Variants in FOXN1 observed in about 807,000 individuals in gnomAD.
FOXN1 encodes the protein forkhead box N1.
A neutral mutation model predicts 49.0 loss-of-function variants in FOXN1; 15 were observed. The observed-to-expected ratio is 0.31, with a 90% CI of 0.20 to 0.47. FOXN1 has a LOEUF of 0.47. Among genes scored for constraint, FOXN1 ranks in the 20% least tolerant of loss-of-function variants. FOXN1 has a pLI of 1.00. For synonymous variants in FOXN1, 356 were observed against 369.0 expected, an observed-to-expected ratio of 0.96 and a Z score of 0.40; for missense variants, 800 against 842.8, an observed-to-expected ratio of 0.95 and a Z score of 0.63.
At position 28,537,995 on chromosome 17, in the gene FOXN1, T is replaced by C. The variant is rs1312057320; in HGVS notation, c.*559T>C. 1 of 162,220 alleles carries C rather than the reference T, an allele frequency of 6.2e-6. No individual in the cohort carries two copies. Among genetic ancestry groups the C allele is most frequent in the African/African-American group, 2.4e-5 (1 of 40,928 alleles). The allele number at this position is 162,220 out of a possible 1,614,324, so 10.0% of individuals were successfully genotyped here. ...CCCTGTATTTATTCCCCCATCTTCA[T>C]CCCAACAGCCCAGCAAGAAGGAGGA... On this transcript the variant is annotated 3_prime_UTR_variant, in exon 9 of 9. Transcript: ENST00000579795.
rs1194083456 is a variant in FOXN1 at position 28,524,730 on chromosome 17, G to A, written c.351G>A (p.Lys117=). The change falls in exon 3 of 9, where the codon AAG becomes AAA. Residue 117 remains lysine (K), a synonymous_variant. Transcript: ENST00000579795. ...AAASSPGRFL[K]GSHAPFHPYK... is the part of the protein sequence containing the mutation. ...CAAGCAGCCCTGGGCGATTCCTCAA[G>A]GGCAGCCACGCGCCCTTCCACCCGT... 1.9e-6 allele frequency: 3 copies of A among 1,612,640 alleles called. No individual in the cohort carries two copies. In the South Asian group the frequency reaches 3.3e-5, roughly 18 times the overall value.
intron 1 of FOXN1, among the ~76,000 whole-genome samples, chr17:28,509,975 C>T (rs1448921621): frequency 1.3e-5 from 2 of 152,140 alleles, no homozygotes; most frequent in African/African-American, 2.4e-5. Context: ...GGAGAGAATT[C>T]GCTGAATCGT....
At chr17:28,535,264 A>C in intron 8 of FOXN1, 66 bp downstream of exon 8, 35 of 1,545,174 alleles carry the variant, frequency 2.3e-5, no homozygotes, top group Non-Finnish European at 2.9e-5. Context: ...AGTGGGACTC[A>C]TCTTCTCCAA....
intron 5 of FOXN1, among the ~76,000 whole-genome samples, chr17:28,530,274 A>G (rs1411907018): frequency 6.6e-6 from 1 of 152,218 alleles, no homozygotes; most frequent in Non-Finnish European, 1.5e-5. Flanking sequence ...AGGATTAAGT[A>G]AGAGAATGTA....
chr17:28,511,844 C>T (rs1567870466), intron 1 of FOXN1, among the ~76,000 whole-genome samples: 1 of 152,054 alleles, frequency 6.6e-6, no homozygotes, highest in African/African-American at 2.4e-5. Context: ...GTGAAGGCGT[C>T]CAGAGATTAT....
At chr17:28,529,635 C>G (rs1230814466) in intron 5 of FOXN1, among the ~76,000 whole-genome samples, 2 of 152,166 alleles carry the variant, frequency 1.3e-5, no homozygotes, top group Admixed American at 6.5e-5. Flanking sequence ...AGATGTGACT[C>G]GGCTATCCAC....
rs1220208492 is a variant in FOXN1 at position 28,538,724 on chromosome 17, G to C, written c.*1288G>C. 3 of 152,222 alleles carry C rather than the reference G, an allele frequency of 2.0e-5. No homozygotes were observed. The allele number at this position is 152,222 out of a possible 1,614,324, so 9.4% of individuals were successfully genotyped here. A position where few individuals can be genotyped will look rare whatever the true frequency, so the allele number is the denominator to read the frequency against. ...CTTGGCCCTGCGGGGTGTGGCCCAG[G>C]TGCCTGCCATGAGCCTGACCCCATC... On this transcript the variant is annotated 3_prime_UTR_variant, in exon 9 of 9. Transcript: ENST00000579795.
rs760621039 is a variant in FOXN1 at position 28,537,366 on chromosome 17, C to T, written c.1877C>T (p.Thr626Met). The T allele has an allele frequency of 4.2e-5, 67 of 1,612,348 alleles. No individual in the cohort carries two copies. The highest frequency in any genetic ancestry group is 1.6e-4 in the Middle Eastern group (1 of 6,084). Residue 626 changes from threonine (T) to methionine (M), a missense_variant, in exon 9 of 9, where the codon ACG becomes ATG. Transcript: ENST00000579795. ...TCTGCCTTTATGGAGCTGGAGCCCA[C>T]GCCCCCCACGGCCCCTGCAGGCCCC... The part of the protein sequence containing the change: ...LYSAFMELEP[T>M]PPTAPAGPSV...
In FOXN1 at chr17:28,538,274, C is replaced by G. The variant is rs1018247025; in HGVS notation, c.*838C>G. 1 of 152,200 alleles carries G rather than the reference C, an allele frequency of 6.6e-6. No homozygotes were observed. The allele number at this position is 152,200 out of a possible 1,614,324, so 9.4% of individuals were successfully genotyped here. A position where few individuals can be genotyped will look rare whatever the true frequency, so the allele number is the denominator to read the frequency against. ...GTCCCGGGTGCAGGAAGGGCCCCCT[C>G]CAGGTCACCACAATCTCACTCCTCC... On this transcript the variant is annotated 3_prime_UTR_variant, in exon 9 of 9. Transcript: ENST00000579795.
At chr17:28,536,843 A>G (rs571836770) in intron 8 of FOXN1, among the ~76,000 whole-genome samples, 11 of 152,266 alleles carry the variant, frequency 7.2e-5, no homozygotes, top group African/African-American at 2.4e-4. Flanking sequence ...GCCTGTCAGC[A>G]GGCATCAACC....
At chr17:28,517,174 C>T (rs147344720) in intron 1 of FOXN1, among the ~76,000 whole-genome samples, 1 of 135,570 alleles carries the variant, frequency 7.4e-6, no homozygotes, top group Non-Finnish European at 1.6e-5. Context: ...CACACCTCCA[C>T]AGGGTACACA....
chr17:28,511,895 C>A (rs375861401), intron 1 of FOXN1, among the ~76,000 whole-genome samples: 1 of 152,286 alleles, frequency 6.6e-6, no homozygotes, highest in Admixed American at 6.5e-5. Flanking sequence ...GCTCCAACAT[C>A]CCTGTTGGTC....
chr17:28,523,909 C>G, intron 1 of FOXN1, 47 bp from the exon 2 acceptor site: 4 of 1,609,394 alleles, frequency 2.5e-6, no homozygotes, highest in Non-Finnish European at 3.4e-6. Context: ...GGGTTGGTCC[C>G]CACTGGATGC....
chr17:28,530,776 C>G lies in FOXN1; in HGVS notation c.858C>G (p.Asn286Lys), dbSNP rs767234511. The G allele has an allele frequency of 6.2e-7, 1 of 1,607,958 alleles. No individual in the cohort carries two copies. The highest frequency in any genetic ancestry group is 1.7e-5 in the Admixed American group (1 of 60,008). The change falls in exon 6 of 9, where the codon AAC becomes AAG. Residue 286 changes from asparagine to lysine, a missense_variant. By Grantham distance (94) the Asn-to-Lys change is moderately conservative. Transcript: ENST00000579795. ...YSILIFMALKNSKTGSLPVSE... is the reference protein window; with the variant it reads ...YSILIFMALKKSKTGSLPVSE... Reference sequence around the variant, plus strand: ...TCCTCATCTTCATGGCCCTTAAGAACAGTAAAACTGGGAGCCTTCCCGTCA... The same window carrying G: ...TCCTCATCTTCATGGCCCTTAAGAAGAGTAAAACTGGGAGCCTTCCCGTCA...
chr17:28,508,712 G>T (rs9303615), intron 1 of FOXN1, among the ~76,000 whole-genome samples: 2 of 151,878 alleles, frequency 1.3e-5, no homozygotes, highest in Non-Finnish European at 2.9e-5. Flanking sequence ...CTCTCGCTGC[G>T]CCTCTTATTC....
chr17:28,521,145 G>A (rs893174110), intron 1 of FOXN1, among the ~76,000 whole-genome samples: 1 of 152,066 alleles, frequency 6.6e-6, no homozygotes, highest in Non-Finnish European at 1.5e-5. Context: ...TTTCTCAGAT[G>A]CGGAAAGTGA....
intron 6 of FOXN1, among the ~76,000 whole-genome samples, chr17:28,531,678 G>A (rs2069918552): frequency 6.6e-6 from 1 of 152,130 alleles, no homozygotes; most frequent in Non-Finnish European, 1.5e-5. Flanking sequence ...GATTGTGTGT[G>A]AGGAGTGCCT....
At chr17:28,536,138 C>G (rs143580140) in intron 8 of FOXN1, among the ~76,000 whole-genome samples, 1 of 152,084 alleles carries the variant, frequency 6.6e-6, no homozygotes, top group African/African-American at 2.4e-5. Flanking sequence ...GGGTGGGGGA[C>G]ATTCACAAGC....
At chr17:28,521,326 C>T (rs1195528287) in intron 1 of FOXN1, among the ~76,000 whole-genome samples, 3 of 152,272 alleles carry the variant, frequency 2.0e-5, no homozygotes, top group South Asian at 2.1e-4. Flanking sequence ...TGAGATCTGG[C>T]GGGGAAGAAG....
Sources: gnomAD v4.1 joint callset for allele counts (sites outside exome capture counted in the v4.1 genomes callset) on GRCh38, gnomAD v4.1.1 for gene constraint, MANE v1.5 for transcripts, NCBI Gene and HGNC (gene_info 2026-07-23, HGNC 2026-07-21) for gene names.